Variants in SNRNP200 observed in about 807,000 individuals in gnomAD.
The protein encoded by SNRNP200 is U5 small nuclear ribonucleoprotein 200 kDa helicase.
A neutral mutation model predicts 255.2 loss-of-function variants in SNRNP200; 66 were observed. The ratio of observed to expected loss-of-function variants is 0.26; its 90% CI spans 0.21 to 0.32. SNRNP200 has a LOEUF of 0.32. Among genes scored for constraint, SNRNP200 ranks in the 10% least tolerant of loss-of-function variants. The pLI is 1.00. For missense variants in SNRNP200, 1,585 were observed against 2,749.8 expected (o/e 0.58, Z 9.47); for synonymous variants, 939 against 1,027.8 (o/e 0.91, Z 1.65).
chr2:96,279,083 G>A, intron 36 of SNRNP200, 85 bp from the exon 37 acceptor site: 1 of 1,111,164 alleles, frequency 9.0e-7, no homozygotes, highest in Non-Finnish European at 1.4e-6. Flanking sequence ...ACAGGGCATG[G>A]TCCCTGTGTG....
Position 96,283,080 on chromosome 2 carries a change from A to G in SNRNP200, c.4915+121T>C. The G allele has an allele frequency of 7.6e-7, 1 of 1,319,336 alleles. No individual in the cohort carries two copies. The highest frequency in any genetic ancestry group is 1.2e-5 in the South Asian group (1 of 84,518). 81.7% of individuals were successfully genotyped at this position (1,319,336 alleles called of 1,614,324 possible). Reference sequence around the variant, plus strand: ...AAATGAGTTAACAGCCAAGAGTCCTAAACAGTATTTTGAAAATCTCTGGTA... The same window carrying G: ...AAATGAGTTAACAGCCAAGAGTCCTGAACAGTATTTTGAAAATCTCTGGTA... On this transcript the variant is annotated intron_variant, in intron 34 of 44. Transcript: ENST00000323853. The surrounding 1 kb of genome is among the most constrained non-coding windows in gnomAD (Gnocchi z 4.7).
chr2:96,297,252 T>A (rs906477253), intron 11 of SNRNP200, 111 bp downstream of exon 11: 1 of 1,529,108 alleles, frequency 6.5e-7, no homozygotes, highest in African/African-American at 1.4e-5. Flanking sequence ...CTGTTGCAGC[T>A]TTCAGCCCTG....
Position 96,297,531 on chromosome 2 carries a change from C to A in SNRNP200, c.1209G>T (p.Leu403=). 2 of 1,614,152 alleles carry A rather than the reference C, an allele frequency of 1.2e-6. No homozygotes were observed. Among genetic ancestry groups the A allele is most frequent in the Non-Finnish European group, 1.7e-6 (2 of 1,180,018 alleles). The part of the protein sequence containing the change: ...TMDLDQGGEA[L]APRQVLDLED... ...CCAAGTCCAGAACCTGCCGTGGAGC[C>A]AGTGCCTGGGAATGTGAAAGACAAA... Residue 403 remains leucine, a synonymous_variant, in exon 11 of 45, where the codon CTG becomes CTT. Transcript: ENST00000323853.
chr2:96,284,773 A>C (rs1002738828), intron 30 of SNRNP200, 188 bp from the exon 31 acceptor site: 12 of 599,740 alleles, frequency 2.0e-5, no homozygotes, highest in African/African-American at 1.9e-4. Context: ...TTTTGAGATG[A>C]AGTCTCGCTC....
intron 6 of SNRNP200, 65 bp downstream of exon 6, chr2:96,299,264 T>C (rs2104360018): frequency 7.0e-7 from 1 of 1,422,264 alleles, no homozygotes; most frequent in Non-Finnish European, 9.9e-7. Flanking sequence ...GACCTAGGCA[T>C]GGGGAAGAAG....
At chr2:96,284,917 T>A (rs1217068423) in intron 30 of SNRNP200, 10 of 539,310 alleles carry the variant, frequency 1.9e-5, no homozygotes, top group Non-Finnish European at 3.0e-5. Context: ...GCCCAGCTAA[T>A]TTCTGTATTT....
chr2:96,297,384 G>C lies in SNRNP200; in HGVS notation c.1356C>G (p.Pro452=). The change falls in exon 11 of 45, where the codon CCC becomes CCG. Residue 452 remains proline (P), a synonymous_variant. Coordinates refer to ENST00000323853, the MANE Select transcript of SNRNP200 (RefSeq NM_014014.5). ...TTACTTCTTCTGAGCCAAAGGGCTT[G>C]GGCTTCAGAGCAGGCACATGCACCT... ...YEEVHVPALK[P]KPFGSEEQLL... The C allele has an allele frequency of 6.2e-7, 1 of 1,613,922 alleles. No homozygotes were observed. Among genetic ancestry groups the C allele is most frequent in the East Asian group, 2.2e-5 (1 of 44,886 alleles).
At position 96,278,929 on chromosome 2, in the gene SNRNP200, G is replaced by A; in HGVS notation, c.5203C>T (p.His1735Tyr). The change falls in exon 37 of 45, where the codon CAC becomes TAC. Residue 1735 changes from histidine to tyrosine, a missense_variant. His to Tyr is a moderately conservative substitution (Grantham distance 83, BLOSUM62 2). Around this residue, in one of 9 missense-constraint regions of SNRNP200, gnomAD observed 279 missense variants for 551.2 expected, o/e 0.51. Coordinates refer to ENST00000323853, the MANE Select transcript of SNRNP200 (RefSeq NM_014014.5). The surrounding 1 kb of genome is among the most constrained non-coding windows in gnomAD (Gnocchi z 6.9). ...ESHLDHCMHD[H>Y]FNAEIVTKTI... ...TTGGTGACGATCTCAGCATTGAAGT[G>A]GTCATGCATACAGTGGTCCAGGTGA... The A allele has an allele frequency of 1.2e-6, 2 of 1,614,020 alleles. No individual in the cohort carries two copies. The highest frequency in any genetic ancestry group is 1.7e-6 in the Non-Finnish European group (2 of 1,179,870).
rs2063878712 is a variant in SNRNP200 at position 96,290,644 on chromosome 2, T to C, written c.2553+40A>G. ...AGCATCCCTGCATTTCAGGCAAGGA[T>C]ACTGATCCCTGCTGAGAATAAACTC... On this transcript the variant is annotated intron_variant, in intron 19 of 44. Transcript: ENST00000323853. This position sits in a 1 kb window ranked among gnomAD's most constrained non-coding sequence, Gnocchi z 4.5. The C allele has an allele frequency of 3.1e-6, 5 of 1,614,156 alleles. No individual in the cohort carries two copies. The highest frequency in any genetic ancestry group is 1.3e-5 in the African/African-American group (1 of 75,058).
chr2:96,281,952 G>A (rs183475385), intron 34 of SNRNP200, 30 bp from the exon 35 acceptor site: 128 of 1,562,854 alleles, frequency 8.2e-5, no homozygotes, highest in Non-Finnish European at 1.1e-4. Flanking sequence ...GGAAGGCTGA[G>A]GGCAGGGGTC....
chr2:96,290,746 T>C lies in SNRNP200; in HGVS notation c.2491A>G (p.Thr831Ala). ...LPAHTVIIKG[T>A]QVYSPEKGRW... ...CCCTTCTCTGGACTGTACACCTGGG[T>C]GCCTTTGATGATGACTGTATGTGCA... The change falls in exon 19 of 45, where the codon ACC becomes GCC. Residue 831 changes from threonine to alanine, a missense_variant. Physicochemically the swap from Thr to Ala is moderately conservative, Grantham distance 58. Coordinates refer to ENST00000323853, the MANE Select transcript of SNRNP200 (RefSeq NM_014014.5). The surrounding 1 kb of genome is among the most constrained non-coding windows in gnomAD (Gnocchi z 4.5). 8 of 1,614,160 alleles carry C rather than the reference T, an allele frequency of 5.0e-6. No individual in the cohort carries two copies. The highest frequency in any genetic ancestry group is 6.8e-6 in the Non-Finnish European group (8 of 1,180,024).
intron 3 of SNRNP200, 54 bp downstream of exon 3, chr2:96,303,105 T>C: frequency 1.3e-6 from 2 of 1,578,426 alleles, no homozygotes; most frequent in Non-Finnish European, 1.7e-6. Flanking sequence ...TTAGAAGCTG[T>C]ATGCCAGAAA....
At position 96,277,086 on chromosome 2, in the gene SNRNP200, G is replaced by C; in HGVS notation, c.6087C>G (p.Ile2029Met). ...AGGCACCACCTCTGGCTCACCTGCG[G>C]ATGCTGTCCTTATCTACCACCTCAT... ...LSYEVVDKDS[I>M]RSGGPVVVLV... The change falls in exon 42 of 45, where the codon ATC (isoleucine) becomes ATG (methionine). Residue 2029 changes from isoleucine to methionine, a missense_variant. By Grantham distance (10) the Ile-to-Met change is conservative. Around this residue, in one of 9 missense-constraint regions of SNRNP200, gnomAD observed 279 missense variants for 551.2 expected, o/e 0.51. Transcript: ENST00000323853. The surrounding 1 kb of genome is among the most constrained non-coding windows in gnomAD (Gnocchi z 4.4). The C allele has an allele frequency of 6.2e-7, 1 of 1,614,196 alleles. No individual in the cohort carries two copies. Among genetic ancestry groups the C allele is most frequent in the Non-Finnish European group, 8.5e-7 (1 of 1,180,040 alleles).
chr2:96,296,432 A>G, intron 13 of SNRNP200, 104 bp downstream of exon 13: 1 of 1,128,392 alleles, frequency 8.9e-7, no homozygotes, highest in Non-Finnish European at 1.3e-6. Context: ...CCCAGGAGGC[A>G]TGCCAGAGAT....
rs1417505902 is a variant in SNRNP200 at position 96,303,337 on chromosome 2, G to A, written c.210-7C>T. On this transcript the variant is annotated splice_region_variant and splice_polypyrimidine_tract_variant and intron_variant, in intron 2 of 44. Transcript: ENST00000323853. ...CTCATCACGCTTTCTTCGCCTAATG[G>A]ACATGCAATGTGATATTGAATGGCA... The A allele has an allele frequency of 6.2e-7, 1 of 1,614,064 alleles. No individual in the cohort carries two copies. The highest frequency in any genetic ancestry group is 1.7e-5 in the Admixed American group (1 of 60,004).
rs765749129 is a variant in SNRNP200, at chr2:96,276,934, T to C, written c.6144A>G (p.Thr2048=). 1.2e-6 allele frequency: 2 copies of C among 1,614,082 alleles called. No homozygotes were observed. The highest frequency in any genetic ancestry group is 1.7e-5 in the Admixed American group (1 of 60,024). The change falls in exon 43 of 45, where the codon ACA becomes ACG. Residue 2048 remains threonine, a synonymous_variant. Coordinates refer to ENST00000323853, the MANE Select transcript of SNRNP200 (RefSeq NM_014014.5). The stretch of plus-strand genomic sequence containing the variant: ...GGAAGAGAGGCGCAATGACAGGGCC[T>C]GTGACTTCCTCCTCTCGCTCCAGCT... ...LVQLEREEEV[T]GPVIAPLFPQ...
At chr2:96,275,868 T>C (rs1193447564) in intron 43 of SNRNP200, among the ~76,000 whole-genome samples, 1 of 152,142 alleles carries the variant, frequency 6.6e-6, no homozygotes, top group Non-Finnish European at 1.5e-5. Context: ...TAGCCGGGCA[T>C]GGTGGCGGGT....
chr2:96,276,767 A>C (rs753494087), intron 43 of SNRNP200, 137 bp downstream of exon 43: 5 of 899,582 alleles, frequency 5.6e-6, no homozygotes, highest in Non-Finnish European at 9.5e-6. Context: ...CCATAGCCTC[A>C]AGATTAATTC....
In SNRNP200 at chr2:96,291,114, G is replaced by C. The variant is rs2063881290; in HGVS notation, c.2421+278C>G. ...CCTATCCGGAAAGAGGGAACGACAA[G>C]GGCACGCGTGCCCCCATGAGACACT... On this transcript the variant is annotated intron_variant, in intron 18 of 44. Transcript: ENST00000323853. This position sits in a 1 kb window ranked among gnomAD's most constrained non-coding sequence, Gnocchi z 4.2. 6.6e-6 allele frequency among the ~76,000 whole-genome samples: 1 copy of C among 152,122 alleles called. No individual in the cohort carries two copies. The highest frequency in any genetic ancestry group is 6.5e-5 in the Admixed American group (1 of 15,270).
Sources: gnomAD v4.1 joint callset for allele counts (sites outside exome capture counted in the v4.1 genomes callset) on GRCh38, gnomAD v4.1.1 for gene constraint, gnomAD v4.1.1 regional missense constraint, Gnocchi (gnomAD v3.1) non-coding constraint, MANE v1.5 for transcripts, NCBI Gene and HGNC (gene_info 2026-07-23, HGNC 2026-07-21) for gene names.